Variants in CCT8 observed in about 807,000 individuals in gnomAD.
CCT8 encodes T-complex protein 1 subunit theta.
CCT8 carries 10 observed loss-of-function variants against 65.7 expected under a neutral mutation model. That is an observed-to-expected ratio of 0.15 (90% confidence interval 0.09 to 0.26). The LOEUF (loss-of-function observed/expected upper bound fraction) is 0.26. CCT8 is among the 10% of genes least tolerant of loss of function. The pLI, the probability that CCT8 is intolerant of heterozygous loss-of-function variation, is 1.00. For missense variants in CCT8, 568 were observed against 669.1 expected (o/e 0.85, Z 1.67); for synonymous variants, 199 against 221.8 (o/e 0.90, Z 0.92).
intron 14 of CCT8, chr21:29,058,006 A>G (rs2085523315): frequency 6.6e-6 from 1 of 151,948 alleles, no homozygotes; most frequent in African/African-American, 2.4e-5. Flanking sequence ...GTGATAGAGT[A>G]AGACCTTATC....
chr21:29,062,065 A>G, intron 11 of CCT8, 63 bp downstream of exon 11: 1 of 1,063,266 alleles, frequency 9.4e-7, no homozygotes, highest in South Asian at 1.3e-5. Context: ...TGCAAACTGT[A>G]CTTTTAAGAC....
chr21:29,056,423 T>A lies in CCT8; in HGVS notation c.*52A>T. ...AGAATAAGAAAACATCAGGTGATTCTTGAGTACTACTACAAATACAGCCTT... is the reference window on the plus strand; with the variant it reads ...AGAATAAGAAAACATCAGGTGATTCATGAGTACTACTACAAATACAGCCTT... On this transcript the variant is annotated 3_prime_UTR_variant, in exon 15 of 15. Coordinates refer to ENST00000286788, the MANE Select transcript of CCT8 (RefSeq NM_006585.4). 1 of 963,306 alleles carries A rather than the reference T, an allele frequency of 1.0e-6. No individual in the cohort carries two copies. Among genetic ancestry groups the A allele is most frequent in the Non-Finnish European group, 1.5e-6 (1 of 673,346 alleles). The allele number at this position is 963,306 out of a possible 1,614,324, so 59.7% of individuals were successfully genotyped here.
chr21:29,057,655 TATATG>T (rs71802286), intron 14 of CCT8, among the ~76,000 whole-genome samples: 54,212 of 145,688 alleles, frequency 0.37, 11,168 homozygotes, highest in South Asian at 0.51. Flanking sequence ...TGATAATATA[TATATG>T]ATATATGTAT....
intron 14 of CCT8, chr21:29,060,045 A>G (rs1372861472): frequency 2.0e-5 from 3 of 151,684 alleles, no homozygotes; most frequent in Admixed American, 1.3e-4. Context: ...TTATGATTTC[A>G]GGTTTACTTC....
At chr21:29,057,657 T>C (rs1179960444) in intron 14 of CCT8, among the ~76,000 whole-genome samples, 2 of 59,710 alleles carry the variant, frequency 3.3e-5, no homozygotes, top group Admixed American at 1.7e-4. Flanking sequence ...ATAATATATA[T>C]ATGATATATG....
At chr21:29,056,769 C>T (rs766136791) in intron 14 of CCT8, among the ~76,000 whole-genome samples, 3 of 152,066 alleles carry the variant, frequency 2.0e-5, no homozygotes, top group Non-Finnish European at 4.4e-5. Context: ...TATGGATAAC[C>T]GCAATAAAAT....
chr21:29,057,315 G>T (rs188943781), intron 14 of CCT8, among the ~76,000 whole-genome samples: 101 of 151,886 alleles, frequency 6.6e-4, no homozygotes, highest in Non-Finnish European at 2.1e-4. Flanking sequence ...GGGATTACAG[G>T]TGCCCATCAC....
At chr21:29,073,303 T>C (rs377550676) in intron 1 of CCT8, 3 of 1,396,120 alleles carry the variant, frequency 2.1e-6, no homozygotes, top group Admixed American at 5.9e-5. Context: ...ACAATGTCGA[T>C]CGTGCCGCCG....
chr21:29,070,045 G>A (rs1215024838), intron 2 of CCT8, among the ~76,000 whole-genome samples: 1 of 152,106 alleles, frequency 6.6e-6, no homozygotes, highest in African/African-American at 2.4e-5. Context: ...AGGATAAAAA[G>A]TAATATATTG....
At chr21:29,073,279 C>T in intron 1 of CCT8, 1 of 1,327,104 alleles carries the variant, frequency 7.5e-7, no homozygotes, top group Non-Finnish European at 9.7e-7. Context: ...CACATCCGTC[C>T]ACCTTCAAGG....
At chr21:29,057,177 T>C (rs919406222) in intron 14 of CCT8, among the ~76,000 whole-genome samples, 1 of 150,804 alleles carries the variant, frequency 6.6e-6, no homozygotes, top group South Asian at 2.1e-4. Context: ...TTTTTTTTTT[T>C]TTTTCTTTTT....
chr21:29,067,478 A>C, intron 4 of CCT8, 78 bp downstream of exon 4: 2 of 1,180,740 alleles, frequency 1.7e-6, no homozygotes, highest in Non-Finnish European at 2.3e-6. Flanking sequence ...TACTATAATA[A>C]TGATTTTAGT....
intron 12 of CCT8, 27 bp downstream of exon 12, chr21:29,061,469 A>G (rs1434821722): frequency 1.9e-6 from 3 of 1,613,704 alleles, no homozygotes; most frequent in East Asian, 2.2e-5. Context: ...ATGGAAAGAA[A>G]GTCAATTTAT....
intron 2 of CCT8, 97 bp downstream of exon 2, chr21:29,070,150 G>C: frequency 1.6e-6 from 1 of 623,426 alleles, no homozygotes; most frequent in Non-Finnish European, 2.6e-6. Flanking sequence ...ATTAACTTCC[G>C]AAGTCATACC....
rs761591751 is a variant in CCT8 at position 29,066,928 on chromosome 21, A to G, written c.525T>C (p.Asn175=). Residue 175 remains asparagine, a synonymous_variant, in exon 5 of 15, where the codon AAT becomes AAC. Transcript: ENST00000286788. ...RTSIMSKQYG[N]EVFLAKLIAQ... ...CAATAAGCTTGGCCAGAAATACTTC[A>G]TTACCATATTGTTTACTCATTATGG... 9 of 1,611,380 alleles carry G rather than the reference A, an allele frequency of 5.6e-6. 1 individual carries two copies. In the Admixed American group the frequency reaches 1.2e-4, roughly 21 times the overall value.
chr21:29,063,510 A>G lies in CCT8; in HGVS notation c.783T>C (p.Thr261=). ...TETKGTVLIK[T]AEELMNFSKG... is the part of the protein sequence containing the mutation. ...TACTAAAATTCATCAATTCTTCAGC[A>G]GTCTTTATCAACACTGTTCCCTGGC... The change falls in exon 8 of 15, where the codon ACT becomes ACC. Residue 261 remains threonine, a synonymous_variant. Transcript: ENST00000286788. 1 of 1,613,820 alleles carries G rather than the reference A, an allele frequency of 6.2e-7. No individual in the cohort carries two copies. Among genetic ancestry groups the G allele is most frequent in the Non-Finnish European group, 8.5e-7 (1 of 1,180,000 alleles).
intron 4 of CCT8, 55 bp downstream of exon 4, chr21:29,067,501 C>G (rs979772552): frequency 1.0e-5 from 14 of 1,334,426 alleles, no homozygotes; most frequent in Middle Eastern, 2.8e-4. Flanking sequence ...ATGTTTTAAG[C>G]AGGTGTATAT....
chr21:29,065,960 G>A (rs1188752893), intron 6 of CCT8, among the ~76,000 whole-genome samples: 3 of 151,784 alleles, frequency 2.0e-5, no homozygotes, highest in Non-Finnish European at 4.4e-5. Flanking sequence ...GCATGCACCT[G>A]TAATCCAGCT....
chr21:29,060,749 T>C, intron 13 of CCT8, 89 bp from the exon 14 acceptor site: 2 of 1,402,286 alleles, frequency 1.4e-6, no homozygotes, highest in East Asian at 2.3e-5. Flanking sequence ...GCTCCTTAAA[T>C]AGTACTGGAA....
Sources: allele counts gnomAD v4.1 joint callset (sites outside exome capture counted in the v4.1 genomes callset), GRCh38; gene constraint gnomAD v4.1.1; transcripts MANE v1.5; gene names NCBI Gene and HGNC (gene_info 2026-07-23, HGNC 2026-07-21).